The following CLEC4A variants were observed in gnomAD, a reference collection of about 807,000 sequenced individuals.
The protein encoded by CLEC4A is C-type lectin domain family 4 member A, also known as C-type (calcium dependent, carbohydrate-recognition domain) lectin, superfamily member 6.
A neutral mutation model predicts 32.7 loss-of-function variants in CLEC4A; 27 were observed. The observed-to-expected ratio is 0.83, with a 90% confidence interval of 0.61 to 1.14. The LOEUF (loss-of-function observed/expected upper bound fraction) is 1.14, where lower values mean the gene tolerates loss of function less well. Ranked by LOEUF, CLEC4A falls within the 50% of genes most tolerant of loss-of-function variation. The probability of loss-of-function intolerance (pLI) is 0.00; values close to 1 mark genes in which losing one functional copy is unlikely to be tolerated. For synonymous variants in CLEC4A, 89 were observed against 93.7 expected (o/e 0.95, Z 0.29); for missense variants, 253 against 274.6 (o/e 0.92, Z 0.55).
chr12:8,107,140 CTTTTG>C, the CLEC4A span, among the ~76,000 whole-genome samples: 1 of 151,962 alleles, frequency 6.6e-6, no homozygotes, highest in Non-Finnish European at 1.5e-5. Flanking sequence ...GATTGTGTGG[CTTTTG>C]TTTTTAGTTT....
intron 2 of CLEC4A, 45 bp from the exon 3 acceptor site, chr12:8,129,219 C>T (rs750445896): frequency 8.0e-7 from 1 of 1,249,770 alleles, no homozygotes; most frequent in Admixed American, 2.1e-5. Context: ...AGAGCAAAGT[C>T]ATAATGCTAC....
intron 3 of CLEC4A, among the ~76,000 whole-genome samples, chr12:8,131,137 T>A (rs1313872998): frequency 6.6e-6 from 1 of 152,242 alleles, no homozygotes; most frequent in Non-Finnish European, 1.5e-5. Flanking sequence ...TGTAAAATGC[T>A]ATTTTCATTA....
Position 8,135,868 on chromosome 12 carries a change from A to G in CLEC4A, c.450+132A>G, listed in dbSNP as rs752420470. 5.2e-5 allele frequency: 44 copies of G among 846,596 alleles called. No individual in the cohort carries two copies. The South Asian group carries it at 6.9e-4, about 13-fold the overall frequency. 52.4% of individuals were successfully genotyped at this position (846,596 alleles called of 1,614,324 possible). ...AAGGCTTTCAATAAAATAGGTAGAA[A>G]GGGCTCCTAAGCCTTTATATTCCAT... On this transcript the variant is annotated intron_variant, in intron 4 of 5. Coordinates refer to ENST00000229332, the MANE Select transcript of CLEC4A (RefSeq NM_016184.4).
At chr12:8,116,486 C>A in the CLEC4A span, among the ~76,000 whole-genome samples, 4 of 152,138 alleles carry the variant, frequency 2.6e-5, no homozygotes, top group African/African-American at 7.2e-5. Context: ...TTGGAGTCAC[C>A]TCCTGATTAA....
Position 8,125,618 on chromosome 12 carries a change from G to A in CLEC4A, c.140G>A (p.Cys47Tyr). The change falls in exon 2 of 6, where the codon TGT (cysteine) becomes TAT (tyrosine). Residue 47 changes from cysteine (C) to tyrosine (Y), a missense_variant. Cys to Tyr is a radical substitution (Grantham distance 194). Coordinates refer to ENST00000229332, the MANE Select transcript of CLEC4A (RefSeq NM_016184.4). ...KSNTGFPKLL[C>Y]ASLLIFFLLL... Reference sequence around the variant, plus strand: ...AATACCGGATTCCCCAAGCTGCTTTGTGCCTCACTGTTGATATTTTTCCTG... The same window carrying A: ...AATACCGGATTCCCCAAGCTGCTTTATGCCTCACTGTTGATATTTTTCCTG... 1 of 1,613,624 alleles carries A rather than the reference G, an allele frequency of 6.2e-7. No homozygotes were observed. The highest frequency in any genetic ancestry group is 8.5e-7 in the Non-Finnish European group (1 of 1,179,614).
the CLEC4A span, among the ~76,000 whole-genome samples, chr12:8,106,584 C>T: frequency 6.6e-6 from 1 of 152,138 alleles, no homozygotes; most frequent in African/African-American, 2.4e-5. Context: ...TTTTGTAATA[C>T]TTGCTGTAGA....
chr12:8,127,388 A>G (rs748457148), intron 2 of CLEC4A, among the ~76,000 whole-genome samples: 1 of 152,358 alleles, frequency 6.6e-6, no homozygotes, highest in South Asian at 2.1e-4. Flanking sequence ...GAAGTCTTAC[A>G]GGCAGCCCAG....
chr12:8,109,506 G>A, the CLEC4A span, among the ~76,000 whole-genome samples: 5 of 152,206 alleles, frequency 3.3e-5, no homozygotes, highest in South Asian at 2.1e-4. Context: ...CCTCATATAC[G>A]AAATTAAAAT....
At chr12:8,136,052 GA>G (rs751207302) in intron 4 of CLEC4A, among the ~76,000 whole-genome samples, 30 of 152,182 alleles carry the variant, frequency 2.0e-4, no homozygotes, top group Non-Finnish European at 4.0e-4. Context: ...ACTTAACAAA[GA>G]AGAGGTATTA....
At chr12:8,105,388 C>A in the CLEC4A span, among the ~76,000 whole-genome samples, 3 of 149,796 alleles carry the variant, frequency 2.0e-5, no homozygotes, top group African/African-American at 7.4e-5. Flanking sequence ...TCGCTCTTGT[C>A]ACCCAGGCTG....
the CLEC4A span, among the ~76,000 whole-genome samples, chr12:8,108,439 A>G: frequency 6.6e-6 from 1 of 152,186 alleles, no homozygotes; most frequent in African/African-American, 2.4e-5. Context: ...TTCAAAAACC[A>G]TTTTTTAAAT....
chr12:8,106,295 G>A, the CLEC4A span, among the ~76,000 whole-genome samples: 67 of 152,300 alleles, frequency 4.4e-4, no homozygotes, highest in African/African-American at 1.6e-3. Context: ...TTGTAGCCTT[G>A]TAGTATAGTT....
intron 3 of CLEC4A, among the ~76,000 whole-genome samples, chr12:8,135,030 TCTAACAATTTTATTATC>T (rs1565406472): frequency 7.9e-5 from 9 of 114,182 alleles, no homozygotes; most frequent in East Asian, 2.7e-4. Flanking sequence ...GTCAGATAAT[TCTAACAATTTTATTATC>T]TTTTTTTTTT....
At chr12:8,124,032 A>T in intron 1 of CLEC4A, 72 bp downstream of exon 1, 1 of 1,017,406 alleles carries the variant, frequency 9.8e-7, no homozygotes, top group East Asian at 2.4e-5. Flanking sequence ...TGAATAAGGC[A>T]TAGGTGTTTT....
In CLEC4A at chr12:8,136,864, G is replaced by C; in HGVS notation, c.527G>C (p.Trp176Ser). ...GLSDPEGQRH[W>S]QWVDQTPYNE... ...TCAGATCCAGAAGGTCAGCGACATTGGCAATGGGTTGATCAGACACCATAC... is the reference window on the plus strand; with the variant it reads ...TCAGATCCAGAAGGTCAGCGACATTCGCAATGGGTTGATCAGACACCATAC... Residue 176 changes from tryptophan to serine, a missense_variant, in exon 5 of 6, where the codon TGG becomes TCG. Transcript: ENST00000229332. 6.2e-7 allele frequency: 1 copy of C among 1,613,522 alleles called. No individual in the cohort carries two copies. The highest frequency in any genetic ancestry group is 8.5e-7 in the Non-Finnish European group (1 of 1,179,480).
chr12:8,103,371 C>CTTTTTTTTTTTTTTTT, the CLEC4A span, among the ~76,000 whole-genome samples: 1 of 49,024 alleles, frequency 2.0e-5, no homozygotes, highest in Non-Finnish European at 4.1e-5. Flanking sequence ...TTGTTTCTTT[C>CTTTTTTTTTTTTTTTT]TGTTGTTTTT....
intron 2 of CLEC4A, among the ~76,000 whole-genome samples, chr12:8,128,054 A>G (rs993243311): frequency 6.6e-6 from 1 of 152,066 alleles, no homozygotes; most frequent in Non-Finnish European, 1.5e-5. Flanking sequence ...GTGGGAATAT[A>G]TGATATCACT....
the CLEC4A span, among the ~76,000 whole-genome samples, chr12:8,117,416 T>G: frequency 0.014 from 2,110 of 152,208 alleles, 17 homozygotes; most frequent in Middle Eastern, 0.031. Context: ...TTTTTGTATT[T>G]TTAGTAGAGA....
At chr12:8,117,752 A>G in the CLEC4A span, among the ~76,000 whole-genome samples, 1 of 152,172 alleles carries the variant, frequency 6.6e-6, no homozygotes, top group Non-Finnish European at 1.5e-5. Flanking sequence ...TATTTATGGT[A>G]CAATTTCTGA....
Sources: gnomAD v4.1 joint callset for allele counts (sites outside exome capture counted in the v4.1 genomes callset) on GRCh38, gnomAD v4.1.1 for gene constraint, MANE v1.5 for transcripts, NCBI Gene and HGNC (gene_info 2026-07-23, HGNC 2026-07-21) for gene names.